The following ARHGAP42 variants were observed in gnomAD, a reference collection of about 807,000 sequenced individuals.
ARHGAP42 encodes rho GTPase-activating protein 42.
A neutral mutation model predicts 125.0 loss-of-function variants in ARHGAP42; 63 were observed. The observed-to-expected ratio is 0.50, with a 90% CI of 0.41 to 0.62. The LOEUF is 0.62. Among genes scored for constraint, ARHGAP42 ranks in the 20% least tolerant of loss-of-function variants. The pLI is 0.00. For missense variants in ARHGAP42, 766 were observed against 1,024.2 expected (o/e 0.75, Z 3.44); for synonymous variants, 339 against 351.0 (o/e 0.97, Z 0.38).
At chr11:100,901,402 C>G (rs1866542944) in intron 4 of ARHGAP42, among the ~76,000 whole-genome samples, 1 of 152,218 alleles carries the variant, frequency 6.6e-6, no homozygotes, top group South Asian at 2.1e-4. Flanking sequence ...TGTCTGTTCT[C>G]AGAGCTCAAA....
intron 11 of ARHGAP42, 116 bp from the exon 12 acceptor site, chr11:100,949,801 T>C: frequency 1.7e-6 from 1 of 583,812 alleles, no homozygotes; most frequent in East Asian, 3.5e-5. Flanking sequence ...ACAGCAGTTG[T>C]AGGACCTTGA....
intron 1 of ARHGAP42, among the ~76,000 whole-genome samples, chr11:100,761,956 C>T (rs1320915879): frequency 6.6e-6 from 1 of 152,220 alleles, no homozygotes; most frequent in Non-Finnish European, 1.5e-5. Context: ...GGGCTAAGTA[C>T]TTGCTCTGAA....
intron 23 of ARHGAP42, among the ~76,000 whole-genome samples, chr11:100,988,175 G>A (rs1201032485): frequency 1.3e-5 from 2 of 152,084 alleles, no homozygotes; most frequent in African/African-American, 4.8e-5. Context: ...TTCCTCTCCT[G>A]CAGGCATTTG....
intron 7 of ARHGAP42, 61 bp downstream of exon 7, chr11:100,933,321 A>G: frequency 8.2e-7 from 1 of 1,214,564 alleles, no homozygotes; most frequent in Non-Finnish European, 1.1e-6. Flanking sequence ...TTCACAGGGC[A>G]ACTAATTACA....
At chr11:100,689,023 C>G (rs1051150697) in intron 1 of ARHGAP42, among the ~76,000 whole-genome samples, 2 of 152,158 alleles carry the variant, frequency 1.3e-5, no homozygotes, top group Non-Finnish European at 2.9e-5. Flanking sequence ...CATGTATTAA[C>G]AGTAAGGAGA....
At chr11:100,977,687 CAT>C (rs1276176460) in intron 21 of ARHGAP42, among the ~76,000 whole-genome samples, 3 of 152,192 alleles carry the variant, frequency 2.0e-5, no homozygotes, top group African/African-American at 7.2e-5. Flanking sequence ...GATGTCTTTA[CAT>C]GAGTTATCTC....
chr11:100,870,173 T>C (rs985299579), intron 4 of ARHGAP42, among the ~76,000 whole-genome samples: 1 of 152,194 alleles, frequency 6.6e-6, no homozygotes, highest in Non-Finnish European at 1.5e-5. Context: ...TGAAGTCTTC[T>C]CTGTAATAGA....
At chr11:100,916,857 C>T (rs1044604843) in intron 5 of ARHGAP42, among the ~76,000 whole-genome samples, 118 of 152,056 alleles carry the variant, frequency 7.8e-4, no homozygotes, top group Admixed American at 7.5e-3. Context: ...GGGGTAAATA[C>T]ACAAATGTAG....
intron 11 of ARHGAP42, among the ~76,000 whole-genome samples, chr11:100,949,705 G>C (rs1868124030): frequency 1.3e-5 from 2 of 152,140 alleles, no homozygotes. Context: ...GGGCAGCACA[G>C]CCACGGATGG....
At chr11:100,802,424 C>CTTTTTTT (rs777832011) in intron 3 of ARHGAP42, among the ~76,000 whole-genome samples, 4 of 123,910 alleles carry the variant, frequency 3.2e-5, no homozygotes, top group African/African-American at 6.2e-5. Flanking sequence ...TCCTTTCTTT[C>CTTTTTTT]TTTTTTTTTT....
rs188628382 is a variant in ARHGAP42, at chr11:100,864,786, C to T, written c.384+5161C>T. Among the ~76,000 whole-genome samples the T allele has an allele frequency of 1.4e-3, 219 of 152,264 alleles. 1 individual carries two copies. The highest frequency in any genetic ancestry group is 0.013 in the South Asian group (63 of 4,822). The stretch of plus-strand genomic sequence containing the variant: ...TAAATGGTTTAGTGTGAAATATCTT[C>T]GTTATCAAAATGTTTCAAATATGCC... On this transcript the variant is annotated intron_variant, in intron 4 of 23. Coordinates refer to ENST00000298815, the MANE Select transcript of ARHGAP42 (RefSeq NM_152432.4).
intron 4 of ARHGAP42, chr11:100,860,013 ATG>A (rs1865409530): frequency 6.5e-6 from 1 of 153,964 alleles, no homozygotes; most frequent in Non-Finnish European, 1.4e-5. Context: ...AAATAAAAAT[ATG>A]TGTTTCTGAA....
chr11:100,930,348 G>A (rs142645355), intron 6 of ARHGAP42, among the ~76,000 whole-genome samples: 1 of 152,162 alleles, frequency 6.6e-6, no homozygotes, highest in Non-Finnish European at 1.5e-5. Flanking sequence ...TGTTCAAACC[G>A]ATAAAAACGT....
At chr11:100,845,484 TC>T (rs1657878445) in intron 3 of ARHGAP42, among the ~76,000 whole-genome samples, 1 of 152,090 alleles carries the variant, frequency 6.6e-6, no homozygotes, top group Non-Finnish European at 1.5e-5. Flanking sequence ...CCACCTGTTT[TC>T]CAATAACCTA....
intron 1 of ARHGAP42, among the ~76,000 whole-genome samples, chr11:100,736,428 T>C (rs1421582053): frequency 1.3e-5 from 2 of 152,172 alleles, no homozygotes; most frequent in African/African-American, 2.4e-5. Context: ...TTGAGAAATC[T>C]TGGGGCTCTG....
chr11:100,982,593 A>G (rs919073114), intron 22 of ARHGAP42, among the ~76,000 whole-genome samples: 12 of 152,316 alleles, frequency 7.9e-5, no homozygotes, highest in Admixed American at 1.3e-4. Context: ...CATGTGGAAA[A>G]TAGTATCCTT....
intron 1 of ARHGAP42, among the ~76,000 whole-genome samples, chr11:100,701,723 T>C (rs1461069838): frequency 6.6e-6 from 1 of 152,230 alleles, no homozygotes; most frequent in African/African-American, 2.4e-5. Flanking sequence ...TAATGCAATA[T>C]TGTGGCTGGT....
At chr11:100,862,833 C>T (rs982187394) in intron 4 of ARHGAP42, among the ~76,000 whole-genome samples, 2 of 151,786 alleles carry the variant, frequency 1.3e-5, no homozygotes, top group African/African-American at 4.8e-5. Flanking sequence ...GAGTTCGAGA[C>T]CAGCCTTCTG....
chr11:100,814,374 AAAAAG>A (rs1328483199), intron 3 of ARHGAP42, among the ~76,000 whole-genome samples: 1 of 151,830 alleles, frequency 6.6e-6, no homozygotes, highest in Non-Finnish European at 1.5e-5. Flanking sequence ...AAAAAAAAAA[AAAAAG>A]AAAAGAAAAG....
Sources: allele counts gnomAD v4.1 joint callset (sites outside exome capture counted in the v4.1 genomes callset), GRCh38; gene constraint gnomAD v4.1.1; transcripts MANE v1.5; gene names NCBI Gene and HGNC (gene_info 2026-07-23, HGNC 2026-07-21).